Variants in MRPL48 observed in about 807,000 individuals in gnomAD.
MRPL48 encodes the protein mitochondrial ribosomal protein L48, also known as large ribosomal subunit protein mL48.
Under a neutral mutation model 32.9 loss-of-function variants are expected in MRPL48, and 16 were observed. The observed-to-expected ratio is 0.49, with a 90% CI of 0.33 to 0.74. MRPL48 has a LOEUF of 0.74. Ranked by LOEUF, MRPL48 falls within the 30% of genes least tolerant of loss-of-function variation. The pLI is 0.02. For missense variants in MRPL48, 206 were observed against 245.3 expected, an observed-to-expected ratio of 0.84 and a Z score of 1.07; for synonymous variants, 94 against 89.2, an observed-to-expected ratio of 1.05 and a Z score of -0.31.
intron 1 of MRPL48, 42 bp downstream of exon 1, chr11:73,788,034 G>C (rs745668052): frequency 6.8e-7 from 1 of 1,464,950 alleles, no homozygotes; most frequent in South Asian, 1.3e-5. Context: ...GGAGATGGCG[G>C]ACGGTGCAGA....
At chr11:73,834,661 G>A (rs1216496248) in intron 4 of MRPL48, among the ~76,000 whole-genome samples, 12 of 151,716 alleles carry the variant, frequency 7.9e-5, no homozygotes, top group Non-Finnish European at 1.5e-5. Context: ...AGCCTCCCGA[G>A]TAGCTGGGAC....
intron 1 of MRPL48, among the ~76,000 whole-genome samples, chr11:73,798,960 T>A (rs529486291): frequency 1.0e-4 from 15 of 143,698 alleles, no homozygotes; most frequent in African/African-American, 3.2e-4. Flanking sequence ...CATTGCACTC[T>A]AGCCCTAGCA....
At chr11:73,836,914 C>A (rs12365080) in intron 4 of MRPL48, among the ~76,000 whole-genome samples, 13,699 of 152,186 alleles carry the variant, frequency 0.09, 739 homozygotes, top group South Asian at 0.26. Flanking sequence ...GTCTAGTGCA[C>A]TTTATATAGC....
In MRPL48 at chr11:73,825,718, A is replaced by T; in HGVS notation, c.123A>T (p.Leu41=). Residue 41 remains leucine, a synonymous_variant, in exon 4 of 8, where the codon CTA becomes CTT. Transcript: ENST00000310614. ...TTTTCTCTCTTTTAGGTGGAATTCTACTAAGTATCAGTCGGCCCTACAAGA... is the reference window on the plus strand; with the variant it reads ...TTTTCTCTCTTTTAGGTGGAATTCTTCTAAGTATCAGTCGGCCCTACAAGA... The part of the protein sequence containing the change: ...EKPIYSVGGI[L]LSISRPYKTK... 1 of 1,561,636 alleles carries T rather than the reference A, an allele frequency of 6.4e-7. No individual in the cohort carries two copies. The highest frequency in any genetic ancestry group is 8.7e-7 in the Non-Finnish European group (1 of 1,152,722).
intron 1 of MRPL48, among the ~76,000 whole-genome samples, chr11:73,793,858 G>GTT (rs1293232778): frequency 6.5e-4 from 74 of 113,860 alleles, no homozygotes; most frequent in Non-Finnish European, 1.1e-3. Flanking sequence ...CTTGTTTCGT[G>GTT]TTTTTTTTTT....
chr11:73,805,177 T>C, intron 2 of MRPL48, 98 bp downstream of exon 2: 3 of 1,014,506 alleles, frequency 3.0e-6, no homozygotes, highest in Non-Finnish European at 1.5e-6. Flanking sequence ...TGCATGTCTA[T>C]AAGCACATCA....
intron 5 of MRPL48, among the ~76,000 whole-genome samples, chr11:73,850,024 C>T (rs535290618): frequency 1.3e-5 from 2 of 152,098 alleles, no homozygotes; most frequent in Admixed American, 6.5e-5. Flanking sequence ...TGTTTAAGCC[C>T]GGGAGGCAGA....
At chr11:73,793,342 A>T (rs543848941) in intron 1 of MRPL48, among the ~76,000 whole-genome samples, 1 of 152,354 alleles carries the variant, frequency 6.6e-6, no homozygotes, top group African/African-American at 2.4e-5. Flanking sequence ...TGGGATTAAT[A>T]GGCGTGAGCC....
chr11:73,820,617 C>T (rs1450995968), intron 3 of MRPL48, among the ~76,000 whole-genome samples: 3 of 152,156 alleles, frequency 2.0e-5, no homozygotes, highest in Non-Finnish European at 2.9e-5. Flanking sequence ...CTGTGTGCTA[C>T]ATTAGGGCCT....
chr11:73,792,792 CCAAA>C (rs1052182897), intron 1 of MRPL48, among the ~76,000 whole-genome samples: 11 of 152,216 alleles, frequency 7.2e-5, no homozygotes, highest in African/African-American at 2.7e-4. Flanking sequence ...AAATGAGGAA[CCAAA>C]CAATTACCAC....
intron 3 of MRPL48, among the ~76,000 whole-genome samples, chr11:73,809,357 A>G (rs900229137): frequency 2.0e-5 from 3 of 151,904 alleles, no homozygotes; most frequent in Non-Finnish European, 4.4e-5. Context: ...ACAAAAAATT[A>G]GCCGGGCGTG....
intron 5 of MRPL48, among the ~76,000 whole-genome samples, chr11:73,856,140 A>G (rs7948192): frequency 0.056 from 8,587 of 152,218 alleles, 268 homozygotes; most frequent in Middle Eastern, 0.11. Context: ...GATGAATGAT[A>G]TGCTGCTTTT....
At chr11:73,814,696 GAAAA>G (rs970186536) in intron 3 of MRPL48, among the ~76,000 whole-genome samples, 1 of 140,670 alleles carries the variant, frequency 7.1e-6, no homozygotes, top group Non-Finnish European at 1.6e-5. Context: ...ACTGTCTCAA[GAAAA>G]AAAAAAAGTG....
intron 1 of MRPL48, among the ~76,000 whole-genome samples, chr11:73,795,984 G>A (rs564825053): frequency 5.9e-5 from 9 of 152,166 alleles, no homozygotes; most frequent in South Asian, 2.1e-4. Context: ...TCATCTTTCC[G>A]TCCTATGATT....
In MRPL48 at chr11:73,830,328, GT is replaced by G. The variant is rs1947970622; in HGVS notation, c.201+4535del. Reference sequence around the variant, plus strand: ...CTTGAATGGATTGGATGCTCCCTTTGTTTAGGGTTGTAGGCTTTTCTCTGAT... The same window carrying G: ...CTTGAATGGATTGGATGCTCCCTTTGTTAGGGTTGTAGGCTTTTCTCTGAT... On this transcript the variant is annotated intron_variant, in intron 4 of 7. Transcript: ENST00000310614. 2.6e-5 allele frequency among the ~76,000 whole-genome samples: 4 copies of G among 152,164 alleles called. No individual in the cohort carries two copies. The South Asian group carries it at 8.3e-4, about 32-fold the overall frequency.
chr11:73,815,375 T>G (rs994756184), intron 3 of MRPL48, among the ~76,000 whole-genome samples: 17 of 152,044 alleles, frequency 1.1e-4, no homozygotes, highest in Non-Finnish European at 2.9e-5. Context: ...GACCACGCCA[T>G]CGCACTCTAG....
At chr11:73,807,279 A>G (rs535663722) in intron 2 of MRPL48, among the ~76,000 whole-genome samples, 1 of 152,334 alleles carries the variant, frequency 6.6e-6, no homozygotes, top group Admixed American at 6.5e-5. Flanking sequence ...AGGATATAAA[A>G]TAATGTATTG....
intron 5 of MRPL48, chr11:73,850,912 G>A (rs34527298): frequency 0.05 from 12,677 of 251,444 alleles, 369 homozygotes; most frequent in Middle Eastern, 0.078. Context: ...TCCTGACCTC[G>A]TGATCCGCCC....
chr11:73,834,602 C>T lies in MRPL48; in HGVS notation c.201+8806C>T, dbSNP rs556593041. Among the ~76,000 whole-genome samples the T allele has an allele frequency of 3.1e-3, 467 of 149,838 alleles. 5 individuals carry two copies. The highest frequency in any genetic ancestry group is 0.011 in the African/African-American group (457 of 40,664). On this transcript the variant is annotated intron_variant, in intron 4 of 7. Coordinates refer to ENST00000310614, the MANE Select transcript of MRPL48 (RefSeq NM_016055.6). ...AGGCTGGAGTGCAGCGGCGCGATCTCGGCTCACTGCAACCTCCGCCTCCCG... is the reference window on the plus strand; with the variant it reads ...AGGCTGGAGTGCAGCGGCGCGATCTTGGCTCACTGCAACCTCCGCCTCCCG...
Sources: allele counts gnomAD v4.1 joint callset (sites outside exome capture counted in the v4.1 genomes callset), GRCh38; gene constraint gnomAD v4.1.1; transcripts MANE v1.5; gene names NCBI Gene and HGNC (gene_info 2026-07-23, HGNC 2026-07-21).